ARMH3: variants seen among roughly 807,000 people sequenced by gnomAD.
ARMH3 encodes the protein armadillo-like helical domain-containing protein 3.
In ARMH3, 60 loss-of-function variants were observed where a neutral mutation model predicts 99.1. The ratio of observed to expected loss-of-function variants is 0.61; its 90% CI spans 0.49 to 0.75. The LOEUF is 0.75. Among genes scored for constraint, ARMH3 ranks in the 30% least tolerant of loss-of-function variants. The probability of loss-of-function intolerance (pLI) is 0.00; values close to 1 mark genes in which losing one functional copy is unlikely to be tolerated. For missense variants in ARMH3, 679 were observed against 843.1 expected, an observed-to-expected ratio of 0.81 and a Z score of 2.41; for synonymous variants, 285 against 292.8, an observed-to-expected ratio of 0.97 and a Z score of 0.27.
At chr10:101,926,549 A>C (rs1287484223) in intron 23 of ARMH3, among the ~76,000 whole-genome samples, 2 of 152,188 alleles carry the variant, frequency 1.3e-5, no homozygotes, top group African/African-American at 4.8e-5. Context: ...AGGGAAAAAT[A>C]AGGGATAAGA....
chr10:102,008,410 A>G (rs2136097603), intron 13 of ARMH3, among the ~76,000 whole-genome samples: 1 of 152,292 alleles, frequency 6.6e-6, no homozygotes, highest in African/African-American at 2.4e-5. Flanking sequence ...GCTTTCATGG[A>G]CAGCTCTTGA....
chr10:101,924,710 A>G (rs1190813122), intron 23 of ARMH3, among the ~76,000 whole-genome samples: 1 of 152,014 alleles, frequency 6.6e-6, no homozygotes, highest in African/African-American at 2.4e-5. Flanking sequence ...AAAATAAAAT[A>G]TGGCCAGGAG....
At chr10:101,913,772 T>G (rs912308299) in intron 23 of ARMH3, among the ~76,000 whole-genome samples, 6 of 152,210 alleles carry the variant, frequency 3.9e-5, no homozygotes, top group African/African-American at 1.4e-4. Flanking sequence ...TTCCCGGAGC[T>G]GCCATGACTG....
chr10:101,979,224 A>C (rs1219747908), intron 19 of ARMH3, among the ~76,000 whole-genome samples: 1 of 152,208 alleles, frequency 6.6e-6, no homozygotes. Flanking sequence ...CAAAAAGTCT[A>C]AACAACCCAA....
At chr10:102,029,808 T>G (rs1482650043) in intron 4 of ARMH3, 63 bp from the exon 5 acceptor site, 8 of 1,451,384 alleles carry the variant, frequency 5.5e-6, no homozygotes, top group Middle Eastern at 1.8e-4. Context: ...AGACCCACAT[T>G]GCAGCCTCAT....
intron 4 of ARMH3, among the ~76,000 whole-genome samples, chr10:102,031,481 T>A (rs1357342141): frequency 6.6e-6 from 1 of 152,234 alleles, no homozygotes; most frequent in Non-Finnish European, 1.5e-5. Flanking sequence ...CTGCAATTAC[T>A]GGAAGTACAA....
At chr10:101,980,420 T>C (rs1015834187) in intron 19 of ARMH3, among the ~76,000 whole-genome samples, 11 of 152,140 alleles carry the variant, frequency 7.2e-5, no homozygotes, top group African/African-American at 2.7e-4. Context: ...TGCCTCAGCC[T>C]CCTAAGTAGC....
At chr10:102,025,113 C>G (rs1374197478) in intron 6 of ARMH3, 43 bp downstream of exon 6, 4 of 1,494,572 alleles carry the variant, frequency 2.7e-6, no homozygotes, top group Non-Finnish European at 3.7e-6. Flanking sequence ...ACAGGATTGC[C>G]CCTCCTGTCA....
intron 24 of ARMH3, among the ~76,000 whole-genome samples, chr10:101,861,387 A>T (rs1320764479): frequency 1.3e-5 from 2 of 152,226 alleles, no homozygotes; most frequent in African/African-American, 4.8e-5. Flanking sequence ...AGACATTTTC[A>T]AACAATCTGA....
Position 101,853,461 on chromosome 10 carries a change from T to C in ARMH3, c.1861-3569A>G, listed in dbSNP as rs550322529. On this transcript the variant is annotated intron_variant, in intron 24 of 25. Coordinates refer to ENST00000370033, the MANE Select transcript of ARMH3 (RefSeq NM_024541.3). ...TGAGTCTCAGCACTGGCCTGGGACA[T>C]GGTGAGGGCCACACTTAGGGAGAGG... is the stretch of plus-strand genomic sequence containing the variant. Among the ~76,000 whole-genome samples, 467 of 152,294 alleles carry C rather than the reference T, an allele frequency of 3.1e-3. 6 individuals are homozygous for C. Among genetic ancestry groups the C allele is most frequent in the Non-Finnish European group, 2.7e-3 (183 of 68,018 alleles).
intron 19 of ARMH3, among the ~76,000 whole-genome samples, chr10:101,979,203 T>C (rs1345150292): frequency 1.3e-5 from 2 of 152,136 alleles, no homozygotes; most frequent in Non-Finnish European, 2.9e-5. Flanking sequence ...AATGGTGGCA[T>C]TCCTAATACC....
chr10:101,934,220 G>A (rs1843849735), intron 23 of ARMH3, among the ~76,000 whole-genome samples: 1 of 151,956 alleles, frequency 6.6e-6, no homozygotes, highest in South Asian at 2.1e-4. Flanking sequence ...ACTTAACCAT[G>A]TGTGTGTGTG....
rs569179050 is a variant in ARMH3 at position 101,946,071 on chromosome 10, C to CAAAAAA, written c.1706-6139_1706-6134dup. On this transcript the variant is annotated intron_variant, in intron 22 of 25. Transcript: ENST00000370033. The stretch of plus-strand genomic sequence containing the variant: ...TGGGCGACAGAGTAAGACTCTGCCT[C>CAAAAAA]AAAAAAAAAAAAAAAAAAAAAAAAA... 7.3e-4 allele frequency among the ~76,000 whole-genome samples: 25 copies of CAAAAAA among 34,480 alleles called. 1 individual carries two copies. Among genetic ancestry groups the CAAAAAA allele is most frequent in the African/African-American group, 2.9e-3 (12 of 4,172 alleles). The allele number at this position is 34,480 out of a possible 152,430, so 22.6% of individuals were successfully genotyped here.
chr10:101,857,067 A>G (rs1406052420), intron 24 of ARMH3, among the ~76,000 whole-genome samples: 3 of 152,104 alleles, frequency 2.0e-5, no homozygotes, highest in Non-Finnish European at 4.4e-5. Flanking sequence ...AGAAGGACTG[A>G]ATAATCAGGT....
At chr10:102,053,980 G>C (rs1181952681) in intron 1 of ARMH3, among the ~76,000 whole-genome samples, 4 of 152,106 alleles carry the variant, frequency 2.6e-5, no homozygotes, top group Non-Finnish European at 5.9e-5. Flanking sequence ...ATATATCCTG[G>C]ATCAATTTTT....
chr10:101,992,332 T>C (rs896490828), intron 17 of ARMH3, among the ~76,000 whole-genome samples: 7 of 152,110 alleles, frequency 4.6e-5, no homozygotes, highest in Admixed American at 4.6e-4. Context: ...TTGCTTTTAG[T>C]TATATAAGTG....
At chr10:102,012,729 T>G (rs1354580603) in intron 10 of ARMH3, 104 bp downstream of exon 10, 1 of 1,120,430 alleles carries the variant, frequency 8.9e-7, no homozygotes. Flanking sequence ...ATCTGAATAC[T>G]CTTAGACTAG....
At chr10:102,024,177 G>A (rs139025437) in intron 6 of ARMH3, among the ~76,000 whole-genome samples, 4 of 152,278 alleles carry the variant, frequency 2.6e-5, no homozygotes, top group South Asian at 4.1e-4. Flanking sequence ...CTACCTGAGC[G>A]CAGTGGCTCA....
chr10:101,890,733 T>C (rs1009747938), intron 23 of ARMH3, among the ~76,000 whole-genome samples: 3 of 152,186 alleles, frequency 2.0e-5, no homozygotes, highest in Admixed American at 6.5e-5. Flanking sequence ...AACCAAATGA[T>C]GAAGCTGTAG....
Sources: gnomAD v4.1 joint callset for allele counts (sites outside exome capture counted in the v4.1 genomes callset) on GRCh38, gnomAD v4.1.1 for gene constraint, MANE v1.5 for transcripts, NCBI Gene and HGNC (gene_info 2026-07-23, HGNC 2026-07-21) for gene names.